Variants in SEC24B observed in about 807,000 individuals in gnomAD.
SEC24B encodes protein transport protein Sec24B.
Under a neutral mutation model 142.8 loss-of-function variants are expected in SEC24B, and 45 were observed. The ratio of observed to expected loss-of-function variants is 0.32; its 90% CI spans 0.25 to 0.40. The LOEUF (loss-of-function observed/expected upper bound fraction) is 0.40, where lower values mean the gene tolerates loss of function less well. Ranked by LOEUF, SEC24B falls within the 10% of genes least tolerant of loss-of-function variation. The pLI, the probability that SEC24B is intolerant of heterozygous loss-of-function variation, is 1.00. For missense variants in SEC24B, 1,409 were observed against 1,526.8 expected, an observed-to-expected ratio of 0.92 and a Z score of 1.29; for synonymous variants, 574 against 568.2, an observed-to-expected ratio of 1.01 and a Z score of -0.15.
chr4:109,540,569 A>G lies in SEC24B; in HGVS notation c.*894A>G, dbSNP rs1726071962. On this transcript the variant is annotated 3_prime_UTR_variant, in exon 24 of 24. Transcript: ENST00000265175. ...TTACTAATTGGGGAAGTGCAGTGAT[A>G]CTGCATTTCAGTTAGTAATATATAT... 1 of 152,076 alleles carries G rather than the reference A, an allele frequency of 6.6e-6. No homozygotes were observed. Among genetic ancestry groups the G allele is most frequent in the African/African-American group, 2.4e-5 (1 of 41,404 alleles). The allele number at this position is 152,076 out of a possible 1,614,324, so 9.4% of individuals were successfully genotyped here.
chr4:109,521,085 T>C (rs1349959215), intron 12 of SEC24B, 32 bp from the exon 13 acceptor site: 1 of 1,320,898 alleles, frequency 7.6e-7, no homozygotes, highest in Middle Eastern at 1.8e-4. Context: ...TTTTGTTCGA[T>C]TTGTTGATTA....
chr4:109,467,325 CAAAAAAAAAAAAA>C lies in SEC24B; in HGVS notation c.877+3691_877+3703del. Reference sequence around the variant, plus strand: ...TGGGCGACAGAGCGAGACTCCGTCTCAAAAAAAAAAAAAAAAAAAAAAGTCCGCTCCAAGTATG... The same window carrying C: ...TGGGCGACAGAGCGAGACTCCGTCTCAAAAAAAAAGTCCGCTCCAAGTATG... On this transcript the variant is annotated intron_variant, in intron 2 of 23. Coordinates refer to ENST00000265175, the MANE Select transcript of SEC24B (RefSeq NM_006323.5). 3.3e-5 allele frequency among the ~76,000 whole-genome samples: 2 copies of C among 59,860 alleles called. 1 individual carries two copies. Among genetic ancestry groups the C allele is most frequent in the East Asian group, 1.2e-3 (2 of 1,686 alleles). 39.3% of individuals were successfully genotyped at this position (59,860 alleles called of 152,430 possible).
Position 109,520,443 on chromosome 4 carries a change from GATT to G in SEC24B, c.2207_2209del (p.Leu736del). ...ATTCATTTCTACAATTTACAAGAAGGATTATCACAGCCTCAAATGTTGATTGTG... is the reference window on the plus strand; with the variant it reads ...ATTCATTTCTACAATTTACAAGAAGGATCACAGCCTCAAATGTTGATTGTG... On this transcript the variant is annotated inframe_deletion, in exon 12 of 24. Transcript: ENST00000265175. 6.2e-7 allele frequency: 1 copy of G among 1,610,592 alleles called. No homozygotes were observed. The highest frequency in any genetic ancestry group is 8.5e-7 in the Non-Finnish European group (1 of 1,177,078).
chr4:109,538,934 C>T (rs1725864597), intron 23 of SEC24B, among the ~76,000 whole-genome samples: 1 of 151,138 alleles, frequency 6.6e-6, no homozygotes, highest in East Asian at 1.9e-4. Context: ...GCAGGCACTT[C>T]CCTCCACACC....
chr4:109,440,627 A>G (rs1728850097), intron 1 of SEC24B, among the ~76,000 whole-genome samples: 1 of 152,236 alleles, frequency 6.6e-6, no homozygotes, highest in African/African-American at 2.4e-5. Flanking sequence ...AGTTGTTTAT[A>G]GAACTACATT....
chr4:109,457,527 T>C (rs1730805186), intron 1 of SEC24B, among the ~76,000 whole-genome samples: 1 of 152,196 alleles, frequency 6.6e-6, no homozygotes, highest in African/African-American at 2.4e-5. Flanking sequence ...AACTTGCCCT[T>C]TTATATCAAT....
intron 4 of SEC24B, among the ~76,000 whole-genome samples, chr4:109,489,987 T>C (rs1425030947): frequency 2.0e-5 from 3 of 152,050 alleles, no homozygotes; most frequent in East Asian, 3.8e-4. Flanking sequence ...GTTCTACTTA[T>C]CACGAAGAAG....
At chr4:109,491,505 A>AT in intron 5 of SEC24B, 98 bp downstream of exon 5, 1 of 851,634 alleles carries the variant, frequency 1.2e-6, no homozygotes, top group Non-Finnish European at 1.9e-6. Context: ...AGCAGGCTAT[A>AT]TTTTTAACAA....
rs1460892853 is a variant in SEC24B, at chr4:109,433,861, A to G, written c.-9A>G. 3.0e-6 allele frequency: 4 copies of G among 1,322,416 alleles called. No individual in the cohort carries two copies. Among genetic ancestry groups the G allele is most frequent in the Non-Finnish European group, 3.9e-6 (4 of 1,033,352 alleles). The allele number at this position is 1,322,416 out of a possible 1,614,324, so 81.9% of individuals were successfully genotyped here. A position where few individuals can be genotyped will look rare whatever the true frequency, so the allele number is the denominator to read the frequency against. On this transcript the variant is annotated 5_prime_UTR_variant, in exon 1 of 24. Coordinates refer to ENST00000265175, the MANE Select transcript of SEC24B (RefSeq NM_006323.5). ...CTGAAGCGGAGCCGCCGTCGCCACCAGCGCCGTCATGTCGGCCCCCGCCGG... is the reference window on the plus strand; with the variant it reads ...CTGAAGCGGAGCCGCCGTCGCCACCGGCGCCGTCATGTCGGCCCCCGCCGG...
chr4:109,531,651 T>G lies in SEC24B; in HGVS notation c.3390+129T>G, dbSNP rs753501222. On this transcript the variant is annotated intron_variant, in intron 20 of 23. Coordinates refer to ENST00000265175, the MANE Select transcript of SEC24B (RefSeq NM_006323.5). ...CTCTTTTTCCCCCTTGTGGTAGTAA[T>G]ACATTAAATAAGGACACTGGCTGTG... 155 of 625,102 alleles carry G rather than the reference T, an allele frequency of 2.5e-4. 2 individuals carry two copies. Among genetic ancestry groups the G allele is most frequent in the Non-Finnish European group, 4.9e-5 (18 of 368,172 alleles). 38.7% of individuals were successfully genotyped at this position (625,102 alleles called of 1,614,324 possible).
intron 22 of SEC24B, 29 bp from the exon 23 acceptor site, chr4:109,538,464 A>G (rs762968696): frequency 6.7e-7 from 1 of 1,485,250 alleles, no homozygotes; most frequent in South Asian, 1.1e-5. Context: ...TGAGAAAGGA[A>G]AGTTTCCTAA....
intron 6 of SEC24B, among the ~76,000 whole-genome samples, chr4:109,503,628 G>A (rs1167316201): frequency 6.6e-6 from 1 of 152,142 alleles, no homozygotes; most frequent in Non-Finnish European, 1.5e-5. Flanking sequence ...CCAAAGTGCT[G>A]GGATTGCAGG....
intron 1 of SEC24B, among the ~76,000 whole-genome samples, chr4:109,441,479 G>A (rs1728921787): frequency 6.6e-6 from 1 of 152,150 alleles, no homozygotes; most frequent in Non-Finnish European, 1.5e-5. Context: ...CACCCAGGCT[G>A]GAGTGCAGTG....
chr4:109,527,175 C>T (rs1724332042), intron 17 of SEC24B, 147 bp from the exon 18 acceptor site: 1 of 560,220 alleles, frequency 1.8e-6, no homozygotes, highest in South Asian at 2.3e-5. Flanking sequence ...GCTGTGATCA[C>T]ACCATTGCAC....
intron 23 of SEC24B, 139 bp downstream of exon 23, chr4:109,538,735 A>T: frequency 1.7e-6 from 1 of 581,028 alleles, no homozygotes; most frequent in Non-Finnish European, 3.1e-6. Flanking sequence ...AATCCCCTGT[A>T]TTCCATTTTC....
At chr4:109,492,513 T>A (rs1487395345) in intron 5 of SEC24B, among the ~76,000 whole-genome samples, 2 of 152,268 alleles carry the variant, frequency 1.3e-5, no homozygotes, top group Non-Finnish European at 2.9e-5. Flanking sequence ...TTTGGTTTCT[T>A]TGTATTCATT....
In SEC24B at chr4:109,534,712, AAAC is replaced by A. The variant is rs532866438; in HGVS notation, c.3588+1033_3588+1035del. On this transcript the variant is annotated intron_variant, in intron 22 of 23. Coordinates refer to ENST00000265175, the MANE Select transcript of SEC24B (RefSeq NM_006323.5). ...GTAAAAATAAATAAAGTAAAAATGC[AAAC>A]AACAAACTCTTACGATTATCTGTAA... is the stretch of plus-strand genomic sequence containing the variant. Among the ~76,000 whole-genome samples the A allele has an allele frequency of 4.8e-4, 73 of 152,356 alleles. 1 individual carries two copies. Among genetic ancestry groups the A allele is most frequent in the South Asian group, 3.5e-3 (17 of 4,830 alleles).
Position 109,539,951 on chromosome 4 carries a change from A to G in SEC24B, c.*276A>G, listed in dbSNP as rs1319541240. On this transcript the variant is annotated 3_prime_UTR_variant, in exon 24 of 24. Coordinates refer to ENST00000265175, the MANE Select transcript of SEC24B (RefSeq NM_006323.5). ...AGTATGGCAGTACAGTGCTCTGTTC[A>G]TTGCAAGCTGGCAAATTTATGTAGC... is the stretch of plus-strand genomic sequence containing the variant. The G allele has an allele frequency of 3.5e-6, 1 of 284,882 alleles. No homozygotes were observed. Among genetic ancestry groups the G allele is most frequent in the African/African-American group, 2.2e-5 (1 of 45,606 alleles). 17.6% of individuals were successfully genotyped at this position (284,882 alleles called of 1,614,324 possible).
At chr4:109,449,398 T>TC in intron 1 of SEC24B, 2 of 229,002 alleles carry the variant, frequency 8.7e-6, no homozygotes, top group African/African-American at 2.4e-5. Context: ...TAATTTTTCT[T>TC]TTTTTTTTTT....
Sources: gnomAD v4.1 joint callset for allele counts (sites outside exome capture counted in the v4.1 genomes callset) on GRCh38, gnomAD v4.1.1 for gene constraint, MANE v1.5 for transcripts, NCBI Gene and HGNC (gene_info 2026-07-23, HGNC 2026-07-21) for gene names.